The following ZNF536 variants were observed in gnomAD, a reference collection of about 807,000 sequenced individuals.
ZNF536 encodes the protein zinc finger protein 536.
In ZNF536, 13 loss-of-function variants were observed where a neutral mutation model predicts 84.5. The observed-to-expected ratio is 0.15, with a 90% confidence interval of 0.10 to 0.24. ZNF536 has a LOEUF of 0.24. Ranked by LOEUF, ZNF536 falls within the 10% of genes least tolerant of loss-of-function variation. The pLI, the probability that ZNF536 is intolerant of heterozygous loss-of-function variation, is 1.00. For missense variants in ZNF536, 1,536 were observed against 1,747.5 expected (o/e 0.88, Z 2.16); for synonymous variants, 811 against 742.5 (o/e 1.09, Z -1.50).
At chr19:30,630,775 T>C (rs1282154929) in intron 1 of ZNF536, among the ~76,000 whole-genome samples, 4 of 152,188 alleles carry the variant, frequency 2.6e-5, no homozygotes, top group African/African-American at 9.6e-5. Context: ...CCCAGGGCTT[T>C]AGGTGAGGCC....
At chr19:30,381,024 GCAC>G (rs995494408) in intron 1 of ZNF536, among the ~76,000 whole-genome samples, 5 of 152,068 alleles carry the variant, frequency 3.3e-5, no homozygotes, top group African/African-American at 1.2e-4. Context: ...CTGCAGGCAT[GCAC>G]CACCATACTC....
intron 1 of ZNF536, among the ~76,000 whole-genome samples, chr19:30,262,194 A>G (rs1464776718): frequency 6.6e-6 from 1 of 152,256 alleles, no homozygotes; most frequent in Non-Finnish European, 1.5e-5. Flanking sequence ...CTCTGTTAGC[A>G]GGAGACTCCA....
chr19:30,541,681 T>C (rs2045338055), intron 3 of ZNF536, among the ~76,000 whole-genome samples: 1 of 152,240 alleles, frequency 6.6e-6, no homozygotes, highest in South Asian at 2.1e-4. Flanking sequence ...CTACAGTTTC[T>C]AGGTAGCTAA....
At chr19:30,653,298 T>G (rs2049778665) in intron 1 of ZNF536, among the ~76,000 whole-genome samples, 2 of 152,112 alleles carry the variant, frequency 1.3e-5, no homozygotes, top group Non-Finnish European at 2.9e-5. Context: ...AGACCACACA[T>G]TAGATCTGGG....
Position 30,549,166 on chromosome 19 carries a change from G to A in ZNF536, c.3547G>A (p.Val1183Ile), listed in dbSNP as rs751388884. 9.3e-6 allele frequency: 15 copies of A among 1,613,898 alleles called. No homozygotes were observed. The highest frequency in any genetic ancestry group is 1.7e-5 in the Admixed American group (1 of 60,008). ...GGGGGAGAACAACGATGAAGAGGATGTTGAAACCGAACCGGAAATGATGAC... is the reference window on the plus strand; with the variant it reads ...GGGGGAGAACAACGATGAAGAGGATATTGAAACCGAACCGGAAATGATGAC... ...SKGENNDEED[V>I]ETEPEMMTKP... The change falls in exon 4 of 5, where the codon GTT (valine) becomes ATT (isoleucine). Residue 1183 changes from valine (V) to isoleucine (I), a missense_variant. Around this residue, in one of 8 missense-constraint regions of ZNF536, gnomAD observed 624 missense variants for 603.1 expected, o/e 1.03. Transcript: ENST00000355537.
chr19:30,689,338 G>A (rs1285070659), intron 1 of ZNF536, among the ~76,000 whole-genome samples: 2 of 152,226 alleles, frequency 1.3e-5, no homozygotes, highest in African/African-American at 4.8e-5. Context: ...TACAATACCT[G>A]ATCACAGTAA....
intron 1 of ZNF536, among the ~76,000 whole-genome samples, chr19:30,695,069 G>A (rs2051600070): frequency 1.3e-5 from 2 of 151,996 alleles, no homozygotes; most frequent in Admixed American, 1.3e-4. Flanking sequence ...CTGAGATTGG[G>A]GTTACTAAAG....
chr19:30,231,534 G>T (rs2023043046), intron 1 of ZNF536, among the ~76,000 whole-genome samples: 1 of 152,216 alleles, frequency 6.6e-6, no homozygotes, highest in Non-Finnish European at 1.5e-5. Flanking sequence ...AGGGAGCAGG[G>T]CCAATGGGGA....
intron 1 of ZNF536, among the ~76,000 whole-genome samples, chr19:30,699,110 GT>G (rs532227084): frequency 1.5e-4 from 22 of 151,370 alleles, no homozygotes; most frequent in African/African-American, 2.9e-4. Flanking sequence ...ATATGTGGGG[GT>G]TTTTTTTTAG....
intron 1 of ZNF536, among the ~76,000 whole-genome samples, chr19:30,435,609 G>A (rs548363738): frequency 1.3e-5 from 2 of 152,062 alleles, no homozygotes; most frequent in Non-Finnish European, 2.9e-5. Flanking sequence ...TGATGGTGAT[G>A]CTCTTGCTGC....
At chr19:30,582,375 C>CTTTTTTT (rs35509271) in intron 1 of ZNF536, among the ~76,000 whole-genome samples, 3 of 89,170 alleles carry the variant, frequency 3.4e-5, no homozygotes, top group Non-Finnish European at 6.6e-5. Flanking sequence ...CCTAGTTTCT[C>CTTTTTTT]TTTTTTTTTT....
intron 1 of ZNF536, among the ~76,000 whole-genome samples, chr19:30,243,195 C>A (rs2024055178): frequency 6.6e-6 from 1 of 152,002 alleles, no homozygotes; most frequent in East Asian, 1.9e-4. Flanking sequence ...AGCAACAGAC[C>A]TTGTGGAACA....
At chr19:30,643,107 G>A (rs1380918399) in intron 1 of ZNF536, among the ~76,000 whole-genome samples, 2 of 152,190 alleles carry the variant, frequency 1.3e-5, no homozygotes, top group Non-Finnish European at 2.9e-5. Flanking sequence ...TATTTCACCA[G>A]GTAGCATCCT....
chr19:30,616,614 T>C (rs1231328612), intron 1 of ZNF536, among the ~76,000 whole-genome samples: 1 of 152,224 alleles, frequency 6.6e-6, no homozygotes, highest in Non-Finnish European at 1.5e-5. Flanking sequence ...GCATGATTGA[T>C]TGATTTTTAA....
intron 1 of ZNF536, among the ~76,000 whole-genome samples, chr19:30,394,809 A>G (rs2049747339): frequency 6.6e-6 from 1 of 152,138 alleles, no homozygotes; most frequent in Non-Finnish European, 1.5e-5. Context: ...AGCTCAAGAG[A>G]AAAGTTGAGG....
intron 1 of ZNF536, among the ~76,000 whole-genome samples, chr19:30,260,793 A>G (rs1356222537): frequency 6.6e-6 from 1 of 152,132 alleles, no homozygotes; most frequent in African/African-American, 2.4e-5. Context: ...AGGTACAAGC[A>G]AATGTGTGGG....
At chr19:30,452,867 G>A (rs2052669195) in intron 2 of ZNF536, among the ~76,000 whole-genome samples, 1 of 151,948 alleles carries the variant, frequency 6.6e-6, no homozygotes, top group Admixed American at 6.6e-5. Flanking sequence ...GCATCTGATG[G>A]GTGCATCTCT....
intron 1 of ZNF536, among the ~76,000 whole-genome samples, chr19:30,657,386 G>C (rs1201495738): frequency 1.3e-5 from 2 of 152,212 alleles, no homozygotes; most frequent in African/African-American, 4.8e-5. Flanking sequence ...GGAGATCACT[G>C]AGAAAGCAGC....
chr19:30,339,248 G>A (rs930146979), intron 2 of ZNF536, among the ~76,000 whole-genome samples: 1 of 152,166 alleles, frequency 6.6e-6, no homozygotes, highest in Non-Finnish European at 1.5e-5. Flanking sequence ...AGTCCACAGG[G>A]CCCATGGGCC....
Sources: gnomAD v4.1 joint callset for allele counts (sites outside exome capture counted in the v4.1 genomes callset) on GRCh38, gnomAD v4.1.1 for gene constraint, gnomAD v4.1.1 regional missense constraint, MANE v1.5 for transcripts, NCBI Gene and HGNC (gene_info 2026-07-23, HGNC 2026-07-21) for gene names.